PWWP3A: variants seen among roughly 807,000 people sequenced by gnomAD.
PWWP3A encodes PWWP domain-containing DNA repair factor 3A.
Under a neutral mutation model 79.0 loss-of-function variants are expected in PWWP3A, and 53 were observed. The observed-to-expected ratio is 0.67, with a 90% CI of 0.54 to 0.84. The LOEUF (loss-of-function observed/expected upper bound fraction) is 0.84. PWWP3A is among the 40% of genes least tolerant of loss of function. PWWP3A has a pLI of 0.00. For missense variants in PWWP3A, 973 were observed against 948.0 expected, an observed-to-expected ratio of 1.03 and a Z score of -0.35; for synonymous variants, 443 against 394.4, an observed-to-expected ratio of 1.12 and a Z score of -1.46.
chr19:1,362,421 G>C (rs997241136), intron 6 of PWWP3A, 70 bp downstream of exon 6: 2 of 1,224,406 alleles, frequency 1.6e-6, no homozygotes, highest in Admixed American at 2.1e-5. Context: ...GGGGCTCCGA[G>C]ACCGGGCCCC....
At position 1,358,443 on chromosome 19, in the gene PWWP3A, G is replaced by A; in HGVS notation, c.193G>A (p.Glu65Lys). ...EVEILEKSQI[E>K]AIASSLASQN... ...TGAGATCCTAGAGAAGTCTCAAATT[G>A]AAGCCATTGCTTCCTCGTTAGGTAA... is the stretch of plus-strand genomic sequence containing the variant. Residue 65 changes from glutamate to lysine, a missense_variant, in exon 4 of 14, where the codon GAA (glutamate) becomes AAA (lysine). Glu to Lys is a moderately conservative substitution (Grantham distance 56). Transcript: ENST00000591337. The A allele has an allele frequency of 6.2e-7, 1 of 1,605,398 alleles. No individual in the cohort carries two copies. The highest frequency in any genetic ancestry group is 8.5e-7 in the Non-Finnish European group (1 of 1,175,030).
Position 1,373,158 on chromosome 19 carries a change from C to T in PWWP3A, c.2073C>T (p.Tyr691=). The change falls in exon 13 of 14, where the codon TAC becomes TAT. Residue 691 remains tyrosine (Y), a splice_region_variant and synonymous_variant. Coordinates refer to ENST00000591337, the MANE Select transcript of PWWP3A (RefSeq NM_001369789.1). ...ACATCAAGGGGCCTTCGCTGAGCTA[C>T]CGGTAGGCCGCTCCCGGCGCTATCT... ...EKYIKGPSLS[Y]REKEIFDNQL... is the part of the protein sequence containing the mutation. 1 of 1,613,878 alleles carries T rather than the reference C, an allele frequency of 6.2e-7. No homozygotes were observed. The highest frequency in any genetic ancestry group is 1.3e-5 in the African/African-American group (1 of 75,078).
At chr19:1,372,900 T>C in intron 12 of PWWP3A, 172 bp from the exon 13 acceptor site, 1 of 593,012 alleles carries the variant, frequency 1.7e-6, no homozygotes, top group Non-Finnish European at 3.0e-6. Context: ...TTAAGAAACA[T>C]CATTACAAGC....
chr19:1,356,227 G>T, intron 1 of PWWP3A, 97 bp from the exon 2 acceptor site: 1 of 652,578 alleles, frequency 1.5e-6, no homozygotes, highest in Non-Finnish European at 2.8e-6. Context: ...CCATCTACTT[G>T]AGGCTAAGTC....
chr19:1,361,419 G>A (rs923351687), intron 5 of PWWP3A, among the ~76,000 whole-genome samples: 2 of 152,226 alleles, frequency 1.3e-5, no homozygotes, highest in Non-Finnish European at 2.9e-5. Context: ...AAATTGGGCA[G>A]CAATCTCAAA....
Position 1,378,371 on chromosome 19 carries a change from T to C in PWWP3A, c.*1795T>C, listed in dbSNP as rs1460234886. 1 of 152,326 alleles carries C rather than the reference T, an allele frequency of 6.6e-6. No homozygotes were observed. The highest frequency in any genetic ancestry group is 3.1e-3 in the Middle Eastern group (1 of 318). 9.4% of individuals were successfully genotyped at this position (152,326 alleles called of 1,614,324 possible). A position where few individuals can be genotyped will look rare whatever the true frequency, so the allele number is the denominator to read the frequency against. On this transcript the variant is annotated 3_prime_UTR_variant, in exon 14 of 14. Transcript: ENST00000591337. ...TGCTGTTGTGAAGTACTTTTATCCA[T>C]TTGCTTCTCTGCTGACCTTGCCAAG... is the stretch of plus-strand genomic sequence containing the variant.
Position 1,373,103 on chromosome 19 carries a change from A to C in PWWP3A, c.2018A>C (p.Glu673Ala), listed in dbSNP as rs763797632. ...ATCTGTGCGATCTCTGCGGTGGACG[A>C]GGTGGACTACAAGACGGCTGAGGAG... ...AIICAISAVD[E>A]VDYKTAEEKY... Residue 673 changes from glutamate to alanine, a missense_variant, in exon 13 of 14, where the codon GAG becomes GCG. Glu to Ala is a moderately radical substitution (Grantham distance 107). Coordinates refer to ENST00000591337, the MANE Select transcript of PWWP3A (RefSeq NM_001369789.1). The C allele has an allele frequency of 1.2e-6, 2 of 1,614,208 alleles. No individual in the cohort carries two copies. The highest frequency in any genetic ancestry group is 4.5e-5 in the East Asian group (2 of 44,882).
intron 8 of PWWP3A, 92 bp downstream of exon 8, chr19:1,366,473 A>T (rs2082132028): frequency 8.3e-7 from 1 of 1,204,146 alleles, no homozygotes; most frequent in Admixed American, 1.7e-5. Flanking sequence ...GGAGGGACAG[A>T]GGGGAGGCCC....
rs755240463 is a variant in PWWP3A at position 1,370,985 on chromosome 19, C to T, written c.1893C>T (p.Tyr631=). 4 of 1,566,048 alleles carry T rather than the reference C, an allele frequency of 2.6e-6. No individual in the cohort carries two copies. In the South Asian group the frequency reaches 4.7e-5, roughly 18 times the overall value. ...GGCAGCTGGACCTGGTGGTGAAGTA[C>T]CTGCAGGGCGTCTACCAGGAGGTGG... is the stretch of plus-strand genomic sequence containing the variant. ...DEGQLDLVVK[Y]LQGVYQEVGA... is the part of the protein sequence containing the mutation. The change falls in exon 12 of 14, where the codon TAC becomes TAT. Residue 631 remains tyrosine (Y), a synonymous_variant. Transcript: ENST00000591337.
chr19:1,366,922 C>A (rs1028762832), intron 8 of PWWP3A, among the ~76,000 whole-genome samples: 1 of 152,180 alleles, frequency 6.6e-6, no homozygotes, highest in Non-Finnish European at 1.5e-5. Flanking sequence ...GAGTGGAGAC[C>A]CAGGCCCCGA....
intron 7 of PWWP3A, among the ~76,000 whole-genome samples, chr19:1,366,086 A>C (rs936544515): frequency 1.3e-5 from 2 of 152,226 alleles, no homozygotes; most frequent in Non-Finnish European, 2.9e-5. Flanking sequence ...AAACCCAAAC[A>C]AAACTGGCTG....
In PWWP3A at chr19:1,369,464, C is replaced by T. The variant is rs1016745101; in HGVS notation, c.1498+124C>T. ...ATATTTCCGTGGGCCTGGGGCATTC[C>T]CTGTGGGTGGGCTGGGGTTCTGGCC... On this transcript the variant is annotated intron_variant, in intron 10 of 13. Transcript: ENST00000591337. The surrounding 1 kb of genome is among the most constrained non-coding windows in gnomAD (Gnocchi z 4.0). 2 of 1,483,268 alleles carry T rather than the reference C, an allele frequency of 1.3e-6. No individual in the cohort carries two copies. The highest frequency in any genetic ancestry group is 2.8e-5 in the African/African-American group (2 of 72,084). The allele number at this position is 1,483,268 out of a possible 1,614,324, so 91.9% of individuals were successfully genotyped here.
In PWWP3A at chr19:1,356,437, A is replaced by G; in HGVS notation, c.45A>G (p.Leu15=). The G allele has an allele frequency of 1.2e-6, 2 of 1,614,176 alleles. No individual in the cohort carries two copies. The highest frequency in any genetic ancestry group is 1.7e-5 in the Admixed American group (1 of 60,020). The change falls in exon 2 of 14, where the codon TTA becomes TTG. Residue 15 remains leucine, a synonymous_variant. Transcript: ENST00000591337. ...KYVLCRWEKR[L]WPAKVLARTA... is the part of the protein sequence containing the mutation. ...TCCTCTGCCGATGGGAAAAGCGATT[A>G]TGGCCTGCGAAGGTGACAGCCATTA...
At chr19:1,367,824 G>A (rs1162569995) in intron 9 of PWWP3A, among the ~76,000 whole-genome samples, 1 of 152,178 alleles carries the variant, frequency 6.6e-6, no homozygotes. Context: ...TTGTTGTGGC[G>A]ACTTCCAGCA....
intron 12 of PWWP3A, chr19:1,372,338 ACT>A (rs2082279946): frequency 6.6e-6 from 1 of 152,156 alleles, no homozygotes; most frequent in Non-Finnish European, 1.5e-5. Context: ...AGTGGGAGAG[ACT>A]CTGCTCTGAA....
At position 1,364,598 on chromosome 19, in the gene PWWP3A, G is replaced by A. The variant is rs769128223; in HGVS notation, c.1284+19G>A. ...AGCAGTGGTAAGAACAGCTTCCTCC[G>A]TCTTCTCAGATGTAGTTACTTAAAT... On this transcript the variant is annotated intron_variant, in intron 7 of 13. Coordinates refer to ENST00000591337, the MANE Select transcript of PWWP3A (RefSeq NM_001369789.1). 45 of 1,556,318 alleles carry A rather than the reference G, an allele frequency of 2.9e-5. 1 individual carries two copies. Among genetic ancestry groups the A allele is most frequent in the African/African-American group, 8.3e-5 (6 of 72,102 alleles).
chr19:1,356,374 T>A lies in PWWP3A; in HGVS notation c.-19T>A. 6.2e-7 allele frequency: 1 copy of A among 1,614,006 alleles called. No individual in the cohort carries two copies. Among genetic ancestry groups the A allele is most frequent in the Non-Finnish European group, 8.5e-7 (1 of 1,179,842 alleles). On this transcript the variant is annotated 5_prime_UTR_variant, in exon 2 of 14. Coordinates refer to ENST00000591337, the MANE Select transcript of PWWP3A (RefSeq NM_001369789.1). Reference sequence around the variant, plus strand: ...TACGTTGTGCCAAATCATTGCCACTTGCCACATGAGTGTAAATGATGGCGG... The same window carrying A: ...TACGTTGTGCCAAATCATTGCCACTAGCCACATGAGTGTAAATGATGGCGG...
intron 1 of PWWP3A, 91 bp from the exon 2 acceptor site, chr19:1,356,233 A>G: frequency 1.4e-6 from 1 of 703,182 alleles, no homozygotes; most frequent in South Asian, 1.5e-5. Flanking sequence ...ACTTGAGGCT[A>G]AGTCGAGCTA....
rs947268070 is a variant in PWWP3A at position 1,368,674 on chromosome 19, A to C, written c.1423-591A>C. ...TGGGGACCCACCCTGCTGCCAGCCC[A>C]GGTGCTGTTAGAGCAGCCCAGGTGC... is the stretch of plus-strand genomic sequence containing the variant. On this transcript the variant is annotated intron_variant, in intron 9 of 13. Transcript: ENST00000591337. The surrounding 1 kb of genome is among the most constrained non-coding windows in gnomAD (Gnocchi z 4.7). Among the ~76,000 whole-genome samples the C allele has an allele frequency of 1.1e-4, 16 of 152,150 alleles. No individual in the cohort carries two copies. Among genetic ancestry groups the C allele is most frequent in the Admixed American group, 6.5e-5 (1 of 15,282 alleles).
Sources: allele counts gnomAD v4.1 joint callset (sites outside exome capture counted in the v4.1 genomes callset), GRCh38; gene constraint gnomAD v4.1.1; non-coding constraint Gnocchi (gnomAD v3.1); transcripts MANE v1.5; gene names NCBI Gene and HGNC (gene_info 2026-07-23, HGNC 2026-07-21).